The following NCK1 variants were observed in gnomAD, a reference collection of about 807,000 sequenced individuals.
The protein encoded by NCK1 is SH2/SH3 adapter protein NCK1.
In NCK1, 19 loss-of-function variants were observed where a neutral mutation model predicts 36.6. The observed-to-expected ratio is 0.52, with a 90% CI of 0.36 to 0.76. The LOEUF (loss-of-function observed/expected upper bound fraction) is 0.76. NCK1 is among the 30% of genes least tolerant of loss of function. NCK1 has a pLI of 0.00. For synonymous variants in NCK1, 165 were observed against 156.0 expected (o/e 1.06, Z -0.43); for missense variants, 358 against 445.6 (o/e 0.80, Z 1.77).
chr3:136,879,929 C>T lies in NCK1; in HGVS notation c.-19+17576C>T, dbSNP rs374022073. Among the ~76,000 whole-genome samples the T allele has an allele frequency of 1.2e-4, 18 of 149,844 alleles. No individual in the cohort carries two copies. The East Asian group carries it at 1.6e-3, about 13-fold the overall frequency. ...ATGGGTGCAGCAAACCAACGTGGCA[C>T]GTGTATACCTCTAACAAACCTGCAC... On this transcript the variant is annotated intron_variant, in intron 1 of 3. Coordinates refer to ENST00000481752, the MANE Select transcript of NCK1 (RefSeq NM_001291999.2).
At position 136,928,235 on chromosome 3, in the gene NCK1, A is replaced by G. The variant is rs749678194; in HGVS notation, c.226+8A>G. The stretch of plus-strand genomic sequence containing the variant: ...ACCTAAAGGATACCTTAGGTAAGAT[A>G]TTTTTTAAAAGAAAAGCAACTTTGT... On this transcript the variant is annotated splice_region_variant and intron_variant, in intron 2 of 3. Transcript: ENST00000481752. The G allele has an allele frequency of 5.1e-6, 8 of 1,583,578 alleles. No homozygotes were observed. Among genetic ancestry groups the G allele is most frequent in the Non-Finnish European group, 6.0e-6 (7 of 1,170,188 alleles).
At chr3:136,893,306 G>A (rs1262459213) in intron 1 of NCK1, among the ~76,000 whole-genome samples, 2 of 150,372 alleles carry the variant, frequency 1.3e-5, no homozygotes, top group Non-Finnish European at 3.0e-5. Flanking sequence ...CGCCATCCAC[G>A]TCAACATCTA....
intron 1 of NCK1, among the ~76,000 whole-genome samples, chr3:136,917,508 C>A (rs1251953888): frequency 2.6e-5 from 4 of 152,206 alleles, no homozygotes; most frequent in African/African-American, 9.6e-5. Context: ...ATTGGAGAAT[C>A]TAGACCATCT....
chr3:136,940,258 G>T (rs1940636777), intron 2 of NCK1, among the ~76,000 whole-genome samples: 1 of 152,122 alleles, frequency 6.6e-6, no homozygotes. Flanking sequence ...GCTTTTGTTT[G>T]ATGGGATATT....
At chr3:136,927,929 A>C (rs1309887776) in intron 1 of NCK1, 55 bp from the exon 2 acceptor site, 1 of 1,233,860 alleles carries the variant, frequency 8.1e-7, no homozygotes, top group East Asian at 2.3e-5. Flanking sequence ...TTTGAAAAGC[A>C]TGTGAACTAA....
At chr3:136,940,180 TGTCCTAATATATG>T (rs1310247781) in intron 2 of NCK1, among the ~76,000 whole-genome samples, 2 of 152,196 alleles carry the variant, frequency 1.3e-5, no homozygotes, top group Admixed American at 1.3e-4. Context: ...CCTTGTTTTG[TGTCCTAATATATG>T]GTCTATCTTG....
intron 1 of NCK1, among the ~76,000 whole-genome samples, chr3:136,878,434 G>A (rs1053629651): frequency 6.6e-6 from 1 of 152,034 alleles, no homozygotes; most frequent in Non-Finnish European, 1.5e-5. Flanking sequence ...AATGTGCTAA[G>A]TATACTAAAG....
rs998294788 is a variant in NCK1 at position 136,951,303 on chromosome 3, C to T, written c.*2850C>T. 6.6e-6 allele frequency among the ~76,000 whole-genome samples: 1 copy of T among 152,190 alleles called. No individual in the cohort carries two copies. Among genetic ancestry groups the T allele is most frequent in the Admixed American group, 6.5e-5 (1 of 15,270 alleles). The stretch of plus-strand genomic sequence containing the variant: ...CTTCTCTAGAAGTTTGAATTTCACT[C>T]CCACCTTGTTGCTGGGGTACCTTCT... On this transcript the variant is annotated 3_prime_UTR_variant, in exon 4 of 4. Transcript: ENST00000481752.
chr3:136,943,287 A>G (rs1050091982), intron 2 of NCK1, among the ~76,000 whole-genome samples: 1 of 152,198 alleles, frequency 6.6e-6, no homozygotes, highest in Non-Finnish European at 1.5e-5. Context: ...CCCCAAATGT[A>G]GGGATTTCTC....
At chr3:136,868,350 C>T (rs146562057) in intron 1 of NCK1, among the ~76,000 whole-genome samples, 1,610 of 151,530 alleles carry the variant, frequency 0.011, 11 homozygotes, top group Middle Eastern at 0.027. Context: ...TTTCTTGAGA[C>T]GGAGTCCTGC....
At chr3:136,898,104 G>A (rs1316350518) in intron 1 of NCK1, among the ~76,000 whole-genome samples, 1 of 152,108 alleles carries the variant, frequency 6.6e-6, no homozygotes, top group Non-Finnish European at 1.5e-5. Flanking sequence ...GTCAGAAGCA[G>A]GTGGCTGTTG....
chr3:136,887,711 A>G (rs1939109910), intron 1 of NCK1, among the ~76,000 whole-genome samples: 1 of 152,162 alleles, frequency 6.6e-6, no homozygotes, highest in South Asian at 2.1e-4. Context: ...AGGTAGGAGA[A>G]GAGGACAGGG....
intron 2 of NCK1, among the ~76,000 whole-genome samples, chr3:136,934,261 A>T (rs373816137): frequency 1.3e-5 from 2 of 151,454 alleles, no homozygotes; most frequent in South Asian, 4.2e-4. Flanking sequence ...AATACATGTC[A>T]TGGGGGTTTG....
intron 1 of NCK1, among the ~76,000 whole-genome samples, chr3:136,919,934 A>G (rs577474571): frequency 6.6e-5 from 10 of 152,274 alleles, no homozygotes; most frequent in African/African-American, 2.4e-4. Flanking sequence ...GATAAGAATC[A>G]GCTAAGTAAC....
rs1460149248 is a variant in NCK1 at position 136,945,716 on chromosome 3, GA to G, written c.361del (p.Arg121GlufsTer7). On this transcript the variant is annotated frameshift_variant, in exon 3 of 4. Coordinates refer to ENST00000481752, the MANE Select transcript of NCK1 (RefSeq NM_001291999.2). LOFTEE classifies it high-confidence loss of function. ...ATGTGAAATTTAACTACATGGCTGA[GA>G]GAGAGGATGAATTATCATTGATAAA... ...AYVKFNYMAE[R>X]EDELSLIKGT... 1 of 1,614,058 alleles carries G rather than the reference GA, an allele frequency of 6.2e-7. No individual in the cohort carries two copies. The highest frequency in any genetic ancestry group is 1.3e-5 in the African/African-American group (1 of 74,924).
chr3:136,863,723 C>G (rs1325874798), intron 1 of NCK1, among the ~76,000 whole-genome samples: 1 of 152,174 alleles, frequency 6.6e-6, no homozygotes, highest in Non-Finnish European at 1.5e-5. Flanking sequence ...ACTTATTTTT[C>G]TAGGCATTAT....
At chr3:136,900,693 T>A (rs1404954978) in intron 1 of NCK1, among the ~76,000 whole-genome samples, 1 of 152,162 alleles carries the variant, frequency 6.6e-6, no homozygotes, top group East Asian at 1.9e-4. Flanking sequence ...AGAAACAGGT[T>A]TTGTATGTTG....
Position 136,946,090 on chromosome 3 carries a change from A to T in NCK1, c.734A>T (p.Asn245Ile). 1.2e-6 allele frequency: 2 copies of T among 1,613,872 alleles called. No individual in the cohort carries two copies. Among genetic ancestry groups the T allele is most frequent in the Non-Finnish European group, 1.7e-6 (2 of 1,179,974 alleles). Residue 245 changes from asparagine (N) to isoleucine (I), a missense_variant, in exon 3 of 4, where the codon AAC becomes ATC. Coordinates refer to ENST00000481752, the MANE Select transcript of NCK1 (RefSeq NM_001291999.2). Reference sequence around the variant, plus strand: ...GGTATGGTTGGTCTAGTACCAAAAAACTATGTTACCGTTATGCAGAATAAT... The same window carrying T: ...GGTATGGTTGGTCTAGTACCAAAAATCTATGTTACCGTTATGCAGAATAAT... ...INGMVGLVPK[N>I]YVTVMQNNPL...
intron 2 of NCK1, among the ~76,000 whole-genome samples, chr3:136,940,469 G>C (rs923151375): frequency 3.9e-5 from 6 of 152,134 alleles, no homozygotes; most frequent in Middle Eastern, 3.4e-3. Flanking sequence ...GCATATATTT[G>C]TAACTGTTAC....
Sources: gnomAD v4.1 joint callset for allele counts (sites outside exome capture counted in the v4.1 genomes callset) on GRCh38, gnomAD v4.1.1 for gene constraint, MANE v1.5 for transcripts, NCBI Gene and HGNC (gene_info 2026-07-23, HGNC 2026-07-21) for gene names.